Variants in SPIDR observed in about 807,000 individuals in gnomAD.
SPIDR encodes the protein scaffold protein involved in DNA repair, also known as DNA repair-scaffolding protein.
SPIDR carries 93 observed loss-of-function variants against 104.6 expected under a neutral mutation model. The observed-to-expected ratio is 0.89, with a 90% CI of 0.75 to 1.06. The LOEUF (loss-of-function observed/expected upper bound fraction) is 1.06, where lower values mean the gene tolerates loss of function less well. Among genes scored for constraint, SPIDR ranks in the 50% least tolerant of loss-of-function variants. The pLI is 0.00. For synonymous variants in SPIDR, 431 were observed against 416.9 expected (o/e 1.03, Z -0.41); for missense variants, 1,154 against 1,111.2 (o/e 1.04, Z -0.55).
intron 8 of SPIDR, among the ~76,000 whole-genome samples, chr8:47,495,101 T>G (rs1396954432): frequency 2.6e-5 from 4 of 152,202 alleles, no homozygotes; most frequent in African/African-American, 9.6e-5. Flanking sequence ...CTTGTATGTG[T>G]ATTGCATAGA....
chr8:47,603,559 A>T lies in SPIDR; in HGVS notation c.1544+4363A>T, dbSNP rs866085416. ...AGGCACGTGCCACCATACCCAGCTAATTTTTTTTTTTTTTTTTTGGTAGAG... is the reference window on the plus strand; with the variant it reads ...AGGCACGTGCCACCATACCCAGCTATTTTTTTTTTTTTTTTTTTGGTAGAG... On this transcript the variant is annotated intron_variant, in intron 10 of 19. Transcript: ENST00000297423. 3.4e-3 allele frequency among the ~76,000 whole-genome samples: 459 copies of T among 133,552 alleles called. 5 individuals are homozygous for T. Among genetic ancestry groups the T allele is most frequent in the African/African-American group, 0.012 (444 of 36,342 alleles). The allele number at this position is 133,552 out of a possible 152,430, so 87.6% of individuals were successfully genotyped here.
rs917498413 is a variant in SPIDR at position 47,389,374 on chromosome 8, T to G, written c.526-7002T>G. Among the ~76,000 whole-genome samples, 4 of 152,122 alleles carry G rather than the reference T, an allele frequency of 2.6e-5. No homozygotes were observed. The East Asian group carries it at 7.7e-4, about 29-fold the overall frequency. ...ATCATTTGCGCAAAGTAATTTTTTTTGTAAGGATGATTTGGTAAAGGATAA... is the reference window on the plus strand; with the variant it reads ...ATCATTTGCGCAAAGTAATTTTTTTGGTAAGGATGATTTGGTAAAGGATAA... On this transcript the variant is annotated intron_variant, in intron 5 of 19. Transcript: ENST00000297423.
intron 8 of SPIDR, among the ~76,000 whole-genome samples, chr8:47,483,114 G>A (rs1338728338): frequency 6.6e-6 from 1 of 151,610 alleles, no homozygotes; most frequent in African/African-American, 2.4e-5. Flanking sequence ...CATTCAGAGA[G>A]TCATAGCTAC....
intron 5 of SPIDR, among the ~76,000 whole-genome samples, chr8:47,302,962 C>G (rs782616130): frequency 3.9e-5 from 6 of 152,228 alleles, no homozygotes; most frequent in African/African-American, 9.6e-5. Context: ...AACCACTACT[C>G]TCTTCAAAGC....
chr8:47,274,594 C>T (rs1317789173), intron 1 of SPIDR, among the ~76,000 whole-genome samples: 3 of 149,546 alleles, frequency 2.0e-5, no homozygotes, highest in Non-Finnish European at 3.0e-5. Flanking sequence ...TTTTTTTTTC[C>T]CGAGATGGAG....
chr8:47,336,139 T>C (rs951110227), intron 5 of SPIDR, among the ~76,000 whole-genome samples: 2 of 152,240 alleles, frequency 1.3e-5, no homozygotes, highest in Non-Finnish European at 2.9e-5. Flanking sequence ...TTTCAGTCTC[T>C]TCCCTGTTTG....
At chr8:47,673,739 T>C (rs2076075694) in intron 10 of SPIDR, 62 bp from the exon 11 acceptor site, 1 of 1,607,312 alleles carries the variant, frequency 6.2e-7, no homozygotes. Flanking sequence ...AAGAGGGAAA[T>C]CTTGATCTCT....
In SPIDR at chr8:47,673,862, A is replaced by G. The variant is rs1370922292; in HGVS notation, c.1606A>G (p.Met536Val). The change falls in exon 11 of 20, where the codon ATG becomes GTG. Residue 536 changes from methionine to valine, a missense_variant. Met to Val is a conservative substitution (Grantham distance 21). Coordinates refer to ENST00000297423, the MANE Select transcript of SPIDR (RefSeq NM_001080394.4). ...CGGTGAAGTGCACTTGGAGTTCACCATGTCGAAGGCAAGACAGTTGGAAGG... is the reference window on the plus strand; with the variant it reads ...CGGTGAAGTGCACTTGGAGTTCACCGTGTCGAAGGCAAGACAGTTGGAAGG... ...MFGEVHLEFT[M>V]SKARQLEGKS... is the part of the protein sequence containing the mutation. 6.2e-7 allele frequency: 1 copy of G among 1,614,206 alleles called. No individual in the cohort carries two copies. The highest frequency in any genetic ancestry group is 8.5e-7 in the Non-Finnish European group (1 of 1,180,040).
chr8:47,381,211 C>G (rs1406871518), intron 5 of SPIDR, among the ~76,000 whole-genome samples: 1 of 152,158 alleles, frequency 6.6e-6, no homozygotes, highest in Non-Finnish European at 1.5e-5. Context: ...AGAATGATTC[C>G]TGATACACAG....
At chr8:47,395,173 A>AC (rs1361439233) in intron 5 of SPIDR, among the ~76,000 whole-genome samples, 1 of 151,856 alleles carries the variant, frequency 6.6e-6, no homozygotes, top group Non-Finnish European at 1.5e-5. Context: ...ACATGGTGAA[A>AC]CCCCGTCTCT....
At chr8:47,663,959 C>T (rs1452530953) in intron 10 of SPIDR, among the ~76,000 whole-genome samples, 5 of 152,168 alleles carry the variant, frequency 3.3e-5, no homozygotes, top group Non-Finnish European at 7.3e-5. Context: ...TAAGGGCATA[C>T]AGCAAATGGA....
chr8:47,659,278 G>T (rs1337343664), intron 10 of SPIDR, among the ~76,000 whole-genome samples: 3 of 152,060 alleles, frequency 2.0e-5, no homozygotes, highest in Non-Finnish European at 4.4e-5. Flanking sequence ...AAAAGGCTGA[G>T]GTTTTTTTCC....
rs148011158 is a variant in SPIDR, at chr8:47,414,526, C to T, written c.877+6565C>T. On this transcript the variant is annotated intron_variant, in intron 7 of 19. Transcript: ENST00000297423. Reference sequence around the variant, plus strand: ...ATTATGGCTTACAAAATTGATCTGTCGATTATAATGATTTAGCTTGAGATC... The same window carrying T: ...ATTATGGCTTACAAAATTGATCTGTTGATTATAATGATTTAGCTTGAGATC... Among the ~76,000 whole-genome samples, 431 of 152,216 alleles carry T rather than the reference C, an allele frequency of 2.8e-3. 1 individual carries two copies. Among genetic ancestry groups the T allele is most frequent in the African/African-American group, 0.01 (418 of 41,558 alleles).
At chr8:47,268,591 A>T (rs1025229256) in intron 1 of SPIDR, among the ~76,000 whole-genome samples, 1 of 152,124 alleles carries the variant, frequency 6.6e-6, no homozygotes, top group African/African-American at 2.4e-5. Flanking sequence ...ATGCAGTTCT[A>T]CTGGCACATG....
intron 10 of SPIDR, among the ~76,000 whole-genome samples, chr8:47,662,503 AT>A (rs1226179530): frequency 6.6e-6 from 1 of 152,202 alleles, no homozygotes; most frequent in East Asian, 1.9e-4. Context: ...TTTGTCATTG[AT>A]TAGGGCAGTG....
intron 3 of SPIDR, among the ~76,000 whole-genome samples, chr8:47,288,156 A>T (rs1264489729): frequency 6.6e-6 from 1 of 152,094 alleles, no homozygotes; most frequent in Non-Finnish European, 1.5e-5. Context: ...TACTGCTTTA[A>T]ATTTGATTTC....
At chr8:47,654,622 T>C (rs1183239490) in intron 10 of SPIDR, among the ~76,000 whole-genome samples, 1 of 152,224 alleles carries the variant, frequency 6.6e-6, no homozygotes, top group East Asian at 1.9e-4. Context: ...AATGATAAAC[T>C]AAAACTCTGG....
chr8:47,557,748 T>C (rs2091488149), intron 8 of SPIDR, among the ~76,000 whole-genome samples: 1 of 152,176 alleles, frequency 6.6e-6, no homozygotes, highest in African/African-American at 2.4e-5. Flanking sequence ...TCATGAACCT[T>C]TGGTATATCA....
chr8:47,624,908 A>T (rs2065802427), intron 10 of SPIDR, among the ~76,000 whole-genome samples: 1 of 152,212 alleles, frequency 6.6e-6, no homozygotes. Flanking sequence ...TCATCCTGAT[A>T]CCAAAGCCTG....
Sources: allele counts gnomAD v4.1 joint callset (sites outside exome capture counted in the v4.1 genomes callset), GRCh38; gene constraint gnomAD v4.1.1; transcripts MANE v1.5; gene names NCBI Gene and HGNC (gene_info 2026-07-23, HGNC 2026-07-21).